Variants in ITIH5 observed in about 807,000 individuals in gnomAD.
The protein encoded by ITIH5 is inter-alpha-trypsin inhibitor heavy chain 5.
A neutral mutation model predicts 77.5 loss-of-function variants in ITIH5; 65 were observed. That is an observed-to-expected ratio of 0.84 (90% confidence interval 0.69 to 1.03). The LOEUF (loss-of-function observed/expected upper bound fraction) is 1.03, where lower values mean the gene tolerates loss of function less well. ITIH5 is among the 50% of genes least tolerant of loss of function. The pLI is 0.00. For synonymous variants in ITIH5, 525 were observed against 494.3 expected, an observed-to-expected ratio of 1.06 and a Z score of -0.82; for missense variants, 1,208 against 1,213.1, an observed-to-expected ratio of 1.00 and a Z score of 0.06.
In ITIH5 at chr10:7,576,971, C is replaced by G. The variant is rs112992012; in HGVS notation, c.1460G>C (p.Arg487Pro). 2 of 1,613,500 alleles carry G rather than the reference C, an allele frequency of 1.2e-6. No individual in the cohort carries two copies. The highest frequency in any genetic ancestry group is 1.7e-5 in the Admixed American group (1 of 59,930). ...CACTGAGCTGGGGGGATAATCGATG[C>G]GGATGTCAGAGAGGAGCGGGGTCCT... ...EIRTPLLSDI[R>P]IDYPPSSVVQ... Residue 487 changes from arginine (R) to proline (P), a missense_variant, in exon 10 of 14, where the codon CGC becomes CCC. By Grantham distance (103) the Arg-to-Pro change is moderately radical. Coordinates refer to ENST00000397146, the MANE Select transcript of ITIH5 (RefSeq NM_030569.7).
Position 7,559,741 on chromosome 10 carries a change from C to G in ITIH5, c.*3342G>C. Reference sequence around the variant, plus strand: ...GGGAGGTCCAAGATCAAGGTGCCAGCAGACATGGTGTCTGGTGAGGGCCGT... The same window carrying G: ...GGGAGGTCCAAGATCAAGGTGCCAGGAGACATGGTGTCTGGTGAGGGCCGT... On this transcript the variant is annotated 3_prime_UTR_variant, in exon 14 of 14. Coordinates refer to ENST00000397146, the MANE Select transcript of ITIH5 (RefSeq NM_030569.7). 1 of 443,520 alleles carries G rather than the reference C, an allele frequency of 2.3e-6. No individual in the cohort carries two copies. The highest frequency in any genetic ancestry group is 4.5e-6 in the Non-Finnish European group (1 of 222,346). The allele number at this position is 443,520 out of a possible 1,614,324, so 27.5% of individuals were successfully genotyped here.
At chr10:7,648,623 CCTT>C (rs1365292009) in intron 2 of ITIH5, among the ~76,000 whole-genome samples, 2 of 152,152 alleles carry the variant, frequency 1.3e-5, no homozygotes, top group African/African-American at 4.8e-5. Flanking sequence ...AAATTTAGCT[CCTT>C]CTGCTAATAG....
chr10:7,612,257 G>T, intron 7 of ITIH5, among the ~76,000 whole-genome samples: 1 of 152,182 alleles, frequency 6.6e-6, no homozygotes, highest in Middle Eastern at 3.4e-3. Flanking sequence ...GCAGCTACAC[G>T]CTCCCATATG....
intron 2 of ITIH5, 89 bp downstream of exon 2, chr10:7,655,542 G>A (rs1035412769): frequency 2.0e-5 from 21 of 1,041,784 alleles, no homozygotes; most frequent in African/African-American, 3.2e-5. Context: ...ATATGTTTTG[G>A]AGGATCTGCA....
intron 6 of ITIH5, 57 bp downstream of exon 6, chr10:7,617,056 T>C: frequency 9.0e-7 from 1 of 1,114,896 alleles, no homozygotes; most frequent in Non-Finnish European, 1.2e-6. Flanking sequence ...ATCCACAGTA[T>C]GAGTCTGTCC....
At chr10:7,582,642 G>GCA (rs745995674) in intron 8 of ITIH5, among the ~76,000 whole-genome samples, 2 of 152,024 alleles carry the variant, frequency 1.3e-5, no homozygotes, top group Non-Finnish European at 2.9e-5. Flanking sequence ...ATACCATGGG[G>GCA]CACTATTCAG....
At chr10:7,636,592 T>C (rs766022109) in intron 5 of ITIH5, among the ~76,000 whole-genome samples, 2 of 152,200 alleles carry the variant, frequency 1.3e-5, no homozygotes, top group Non-Finnish European at 1.5e-5. Context: ...TTTAGGCTGA[T>C]GGAATGTCTT....
chr10:7,582,707 T>C (rs1832590410), intron 8 of ITIH5, among the ~76,000 whole-genome samples: 1 of 152,162 alleles, frequency 6.6e-6, no homozygotes, highest in Admixed American at 6.5e-5. Context: ...GAACTGGAGC[T>C]CATTATATTC....
chr10:7,600,898 G>C (rs1457199073), intron 7 of ITIH5, among the ~76,000 whole-genome samples: 3 of 152,162 alleles, frequency 2.0e-5, no homozygotes, highest in Non-Finnish European at 2.9e-5. Flanking sequence ...GCCCTCCCCA[G>C]ACACAGAGTC....
intron 2 of ITIH5, among the ~76,000 whole-genome samples, chr10:7,642,944 C>A (rs1181808574): frequency 1.3e-5 from 2 of 152,172 alleles, no homozygotes; most frequent in African/African-American, 4.8e-5. Context: ...CTAGAATACA[C>A]ATGTTGAAGC....
chr10:7,640,892 G>T, intron 3 of ITIH5, 37 bp from the exon 4 acceptor site: 1 of 1,368,716 alleles, frequency 7.3e-7, no homozygotes, highest in Non-Finnish European at 1.0e-6. Flanking sequence ...CCAGCTTGCA[G>T]TTCCAAGACA....
chr10:7,652,229 C>T (rs1450456525), intron 2 of ITIH5, among the ~76,000 whole-genome samples: 2 of 152,128 alleles, frequency 1.3e-5, no homozygotes, highest in African/African-American at 2.4e-5. Flanking sequence ...TTCCTGTGGT[C>T]CTGGCAGTGT....
rs905004585 is a variant in ITIH5, at chr10:7,631,965, T to A, written c.652+5263A>T. ...CCACGCCTAGCTAATTTTTGTATTT[T>A]TTTTTTTTTTTTTAGTAGAAATGGG... On this transcript the variant is annotated intron_variant, in intron 5 of 13. Transcript: ENST00000397146. 1.6e-4 allele frequency among the ~76,000 whole-genome samples: 23 copies of A among 146,526 alleles called. No homozygotes were observed. In the East Asian group the frequency reaches 5.0e-3, roughly 32 times the overall value.
At chr10:7,576,366 A>G in intron 10 of ITIH5, 87 bp downstream of exon 10, 1 of 1,175,836 alleles carries the variant, frequency 8.5e-7, no homozygotes, top group East Asian at 2.6e-5. Context: ...GGAATAACAC[A>G]GCTTCCTGCT....
At chr10:7,608,736 G>A (rs1833182509) in intron 7 of ITIH5, among the ~76,000 whole-genome samples, 1 of 152,198 alleles carries the variant, frequency 6.6e-6, no homozygotes, top group South Asian at 2.1e-4. Flanking sequence ...CGCACACTCG[G>A]ATGTCACTTG....
chr10:7,637,262 G>T lies in ITIH5; in HGVS notation c.618C>A (p.His206Gln). ...GCCCACTGCCCCTCTGCCTGCTGTTGTGAAGCGGCAGCACCTCCAGGGATG... is the reference window on the plus strand; with the variant it reads ...GCCCACTGCCCCTCTGCCTGCTGTTTTGAAGCGGCAGCACCTCCAGGGATG... ...GIASLEVLPL[H>Q]NSRQRGSGRG... Residue 206 changes from histidine (H) to glutamine (Q), a missense_variant, in exon 5 of 14, where the codon CAC (histidine) becomes CAA (glutamine). His to Gln is a conservative substitution (Grantham distance 24). Transcript: ENST00000397146. 6.2e-7 allele frequency: 1 copy of T among 1,610,890 alleles called. No homozygotes were observed.
chr10:7,597,374 C>T (rs1832925638), intron 7 of ITIH5, among the ~76,000 whole-genome samples: 1 of 152,108 alleles, frequency 6.6e-6, no homozygotes, highest in Non-Finnish European at 1.5e-5. Context: ...AAGGAACCAA[C>T]CAAAATTAAA....
intron 5 of ITIH5, chr10:7,618,639 C>T (rs1833416413): frequency 6.6e-6 from 1 of 152,190 alleles, no homozygotes; most frequent in African/African-American, 2.4e-5. Context: ...CAAAGCCAGA[C>T]TTAAAACTGC....
intron 3 of ITIH5, 21 bp downstream of exon 3, chr10:7,641,906 C>T (rs773282714): frequency 6.2e-7 from 1 of 1,613,012 alleles, no homozygotes; most frequent in East Asian, 2.2e-5. Flanking sequence ...AATCTTCATC[C>T]CTGACCAGCG....
Sources: gnomAD v4.1 joint callset for allele counts (sites outside exome capture counted in the v4.1 genomes callset) on GRCh38, gnomAD v4.1.1 for gene constraint, MANE v1.5 for transcripts, NCBI Gene and HGNC (gene_info 2026-07-23, HGNC 2026-07-21) for gene names.